Variants in CWC27 observed in about 807,000 individuals in gnomAD.
The protein encoded by CWC27 is spliceosome-associated protein CWC27 homolog.
In CWC27, 47 loss-of-function variants were observed where a neutral mutation model predicts 63.6. That is an observed-to-expected ratio of 0.74 (90% CI 0.58 to 0.94). CWC27 has a LOEUF of 0.94. Among genes scored for constraint, CWC27 ranks in the 40% least tolerant of loss-of-function variants. The probability of loss-of-function intolerance (pLI) is 0.00; values close to 1 mark genes in which losing one functional copy is unlikely to be tolerated. For synonymous variants in CWC27, 175 were observed against 179.8 expected (o/e 0.97, Z 0.22); for missense variants, 495 against 554.3 (o/e 0.89, Z 1.07).
intron 13 of CWC27, among the ~76,000 whole-genome samples, chr5:64,989,109 C>T (rs751305950): frequency 6.6e-6 from 1 of 152,134 alleles, no homozygotes; most frequent in Non-Finnish European, 1.5e-5. Flanking sequence ...CAACTGTGCC[C>T]TCATTCAGAG....
At chr5:64,807,497 T>C (rs1406666557) in intron 10 of CWC27, 1 of 1,379,950 alleles carries the variant, frequency 7.2e-7, no homozygotes, top group Non-Finnish European at 9.4e-7. Context: ...CTAGTTTCTC[T>C]CCTTAGAGAA....
At chr5:64,863,871 A>G (rs1746475423) in intron 10 of CWC27, among the ~76,000 whole-genome samples, 2 of 152,194 alleles carry the variant, frequency 1.3e-5, no homozygotes, top group Non-Finnish European at 2.9e-5. Context: ...ATAGTTTCCC[A>G]TCAATCCTTT....
At position 64,845,694 on chromosome 5, in the gene CWC27, G is replaced by A. The variant is rs571371473; in HGVS notation, c.939-39749G>A. On this transcript the variant is annotated intron_variant, in intron 10 of 13. Coordinates refer to ENST00000381070, the MANE Select transcript of CWC27 (RefSeq NM_005869.4). ...TATTATCCAGTTAGAGGACCAGAAA[G>A]ACAAAAGAGTGAAAAAGAATGAAGA... is the stretch of plus-strand genomic sequence containing the variant. Among the ~76,000 whole-genome samples the A allele has an allele frequency of 3.5e-3, 537 of 152,236 alleles. 1 individual carries two copies. The highest frequency in any genetic ancestry group is 0.011 in the African/African-American group (460 of 41,534).
At chr5:64,829,641 C>CTTT (rs564183984) in intron 10 of CWC27, among the ~76,000 whole-genome samples, 53 of 126,260 alleles carry the variant, frequency 4.2e-4, no homozygotes, top group African/African-American at 1.5e-3. Context: ...CTTTTATTCA[C>CTTT]TTTTTTTTTT....
At chr5:64,857,015 G>A (rs929860351) in intron 10 of CWC27, among the ~76,000 whole-genome samples, 3 of 152,112 alleles carry the variant, frequency 2.0e-5, no homozygotes, top group African/African-American at 4.8e-5. Context: ...AAAGAGAAAC[G>A]TGTAGGTTTA....
intron 12 of CWC27, among the ~76,000 whole-genome samples, chr5:64,975,097 T>C (rs796397511): frequency 3.9e-5 from 6 of 152,362 alleles, no homozygotes; most frequent in African/African-American, 1.4e-4. Flanking sequence ...GTAGCTATGA[T>C]AATGTGTGTA....
At chr5:64,942,449 A>G (rs1338854262) in intron 11 of CWC27, among the ~76,000 whole-genome samples, 1 of 151,060 alleles carries the variant, frequency 6.6e-6, no homozygotes, top group Non-Finnish European at 1.5e-5. Context: ...AAAAAAAAAA[A>G]AAAAAAAAAA....
intron 10 of CWC27, among the ~76,000 whole-genome samples, chr5:64,826,758 T>C (rs999344270): frequency 1.3e-5 from 2 of 151,958 alleles, no homozygotes; most frequent in African/African-American, 4.8e-5. Flanking sequence ...TCATGTCTTC[T>C]GCTTTCAGTT....
chr5:64,816,441 A>C (rs1301946302), intron 10 of CWC27, among the ~76,000 whole-genome samples: 5 of 152,182 alleles, frequency 3.3e-5, no homozygotes, highest in African/African-American at 1.2e-4. Flanking sequence ...TTTTGGCTAA[A>C]GAGGTGAAAC....
At chr5:64,971,604 A>G (rs2278352) in intron 11 of CWC27, 99 bp from the exon 12 acceptor site, 208,164 of 870,136 alleles carry the variant, frequency 0.24, 27,258 homozygotes, top group East Asian at 0.42. Flanking sequence ...AAGCAAGCCC[A>G]AGTGCCAACC....
At chr5:65,011,454 A>G (rs771986570) in intron 13 of CWC27, among the ~76,000 whole-genome samples, 1 of 152,192 alleles carries the variant, frequency 6.6e-6, no homozygotes, top group Non-Finnish European at 1.5e-5. Flanking sequence ...GAGAGACAGA[A>G]GTGTATAGTG....
chr5:64,944,081 T>C (rs1323078184), intron 11 of CWC27, among the ~76,000 whole-genome samples: 2 of 152,098 alleles, frequency 1.3e-5, no homozygotes, highest in East Asian at 3.8e-4. Flanking sequence ...CGGACATTAC[T>C]CCAACAGTTC....
chr5:65,014,225 CAA>C (rs1750012896), intron 13 of CWC27, among the ~76,000 whole-genome samples: 2 of 129,894 alleles, frequency 1.5e-5, no homozygotes, highest in South Asian at 4.9e-4. Context: ...CTATATACTA[CAA>C]TATATAATAG....
chr5:64,938,202 A>G (rs1193754012), intron 11 of CWC27, among the ~76,000 whole-genome samples: 2 of 151,888 alleles, frequency 1.3e-5, no homozygotes, highest in African/African-American at 4.8e-5. Context: ...CATAGTGTCG[A>G]TGGTCTTTAT....
At chr5:64,971,201 T>C (rs1226745237) in intron 11 of CWC27, among the ~76,000 whole-genome samples, 2 of 152,234 alleles carry the variant, frequency 1.3e-5, no homozygotes, top group East Asian at 3.8e-4. Flanking sequence ...TATTTTTGTC[T>C]GCTTTTGCTA....
intron 13 of CWC27, among the ~76,000 whole-genome samples, chr5:65,016,334 A>G (rs192127030): frequency 1.2e-3 from 190 of 152,310 alleles, no homozygotes; most frequent in African/African-American, 4.4e-3. Context: ...GATACAAATT[A>G]TGTATCATTA....
chr5:64,998,233 C>G (rs1047807798), intron 13 of CWC27, among the ~76,000 whole-genome samples: 5 of 152,032 alleles, frequency 3.3e-5, no homozygotes, highest in Non-Finnish European at 5.9e-5. Flanking sequence ...CAGCCATGTA[C>G]CCCAGCTGCT....
chr5:64,841,242 G>T (rs1194054259), intron 10 of CWC27, among the ~76,000 whole-genome samples: 2 of 152,150 alleles, frequency 1.3e-5, no homozygotes, highest in Non-Finnish European at 2.9e-5. Flanking sequence ...GACAAGTGAG[G>T]GTGCAAGACA....
intron 11 of CWC27, among the ~76,000 whole-genome samples, chr5:64,931,320 A>G (rs1250078054): frequency 6.9e-6 from 1 of 145,234 alleles, no homozygotes; most frequent in East Asian, 1.9e-4. Flanking sequence ...ATAATAAAAC[A>G]TGTGGCAAAA....
Sources: allele counts gnomAD v4.1 joint callset (sites outside exome capture counted in the v4.1 genomes callset), GRCh38; gene constraint gnomAD v4.1.1; transcripts MANE v1.5; gene names NCBI Gene and HGNC (gene_info 2026-07-23, HGNC 2026-07-21).